CFAP299: variants seen among roughly 807,000 people sequenced by gnomAD.
CFAP299 encodes the protein cilia and flagella associated protein 299.
CFAP299 carries 21 observed loss-of-function variants against 27.0 expected under a neutral mutation model. That is an observed-to-expected ratio of 0.78 (90% CI 0.55 to 1.12). CFAP299 has a LOEUF of 1.12. Ranked by LOEUF, CFAP299 falls within the 50% of genes most tolerant of loss-of-function variation. The pLI, the probability that CFAP299 is intolerant of heterozygous loss-of-function variation, is 0.00. For missense variants in CFAP299, 310 were observed against 276.6 expected, an observed-to-expected ratio of 1.12 and a Z score of -0.86; for synonymous variants, 104 against 98.1, an observed-to-expected ratio of 1.06 and a Z score of -0.36.
intron 3 of CFAP299, among the ~76,000 whole-genome samples, chr4:80,624,202 T>C (rs1421691365): frequency 1.3e-5 from 2 of 152,006 alleles, no homozygotes; most frequent in East Asian, 1.9e-4. Flanking sequence ...ATAACTGTTT[T>C]AAGGAAGCTC....
chr4:80,534,967 T>G (rs553365348), intron 2 of CFAP299, among the ~76,000 whole-genome samples: 1 of 152,240 alleles, frequency 6.6e-6, no homozygotes, highest in South Asian at 2.1e-4. Flanking sequence ...GCTTCTAAAT[T>G]CTATAGAGTG....
intron 2 of CFAP299, among the ~76,000 whole-genome samples, chr4:80,532,421 C>T (rs1733524971): frequency 6.6e-6 from 1 of 152,088 alleles, no homozygotes; most frequent in Non-Finnish European, 1.5e-5. Context: ...TTTCTTTGCA[C>T]CATTCTAGCA....
At chr4:80,424,785 A>T (rs1489814818) in intron 2 of CFAP299, among the ~76,000 whole-genome samples, 10 of 152,246 alleles carry the variant, frequency 6.6e-5, no homozygotes, top group African/African-American at 2.4e-4. Flanking sequence ...ATACAAAAAA[A>T]TATATTTAAG....
chr4:80,845,970 T>C (rs58527925), intron 3 of CFAP299, among the ~76,000 whole-genome samples: 2,136 of 152,274 alleles, frequency 0.014, 48 homozygotes, highest in African/African-American at 0.048. Context: ...AAGAAATACA[T>C]TTTTATCTTC....
chr4:80,394,335 A>G (rs144015268), intron 2 of CFAP299, among the ~76,000 whole-genome samples: 17 of 150,174 alleles, frequency 1.1e-4, no homozygotes, highest in African/African-American at 4.1e-4. Context: ...TTTGAATATT[A>G]ACTCTTTTTC....
At chr4:80,748,932 G>A (rs1026705705) in intron 3 of CFAP299, among the ~76,000 whole-genome samples, 1 of 152,098 alleles carries the variant, frequency 6.6e-6, no homozygotes. Context: ...GTAATCGTCT[G>A]CCCACACATA....
chr4:80,589,933 A>T (rs1260090356), intron 3 of CFAP299, among the ~76,000 whole-genome samples: 1 of 152,168 alleles, frequency 6.6e-6, no homozygotes, highest in Non-Finnish European at 1.5e-5. Flanking sequence ...TAGTAGATAA[A>T]TGATTGAGGG....
intron 2 of CFAP299, among the ~76,000 whole-genome samples, chr4:80,393,005 C>A (rs562138116): frequency 6.6e-6 from 1 of 152,070 alleles, no homozygotes; most frequent in Admixed American, 6.6e-5. Context: ...GCTGTTATTA[C>A]CCCTGAAGAC....
intron 3 of CFAP299, among the ~76,000 whole-genome samples, chr4:80,661,404 C>T (rs757046289): frequency 2.2e-4 from 33 of 150,836 alleles, no homozygotes; most frequent in Non-Finnish European, 3.7e-4. Context: ...GTCAGAAGAA[C>T]ATAAATTGTG....
intron 4 of CFAP299, among the ~76,000 whole-genome samples, chr4:80,884,905 A>G (rs1381547865): frequency 2.0e-5 from 3 of 152,182 alleles, no homozygotes; most frequent in African/African-American, 4.8e-5. Context: ...AAACTCCGAT[A>G]AGCAATCGCA....
chr4:80,629,871 G>GA (rs1239255685), intron 3 of CFAP299, among the ~76,000 whole-genome samples: 491 of 66,690 alleles, frequency 7.4e-3, no homozygotes, highest in East Asian at 0.035. Flanking sequence ...TCTGTATCTG[G>GA]AAAAAAAAAA....
chr4:80,420,860 C>A (rs1423095913), intron 2 of CFAP299, among the ~76,000 whole-genome samples: 1 of 152,146 alleles, frequency 6.6e-6, no homozygotes, highest in Admixed American at 6.5e-5. Flanking sequence ...TTGCTTCAGC[C>A]CACTTCACAC....
chr4:80,577,397 ATTTTTTTTTTT>A (rs34922224), intron 2 of CFAP299, among the ~76,000 whole-genome samples: 2,363 of 98,928 alleles, frequency 0.024, 55 homozygotes, highest in Non-Finnish European at 0.026. Flanking sequence ...ATTAGAAAAC[ATTTTTTTTTTT>A]TTTTTTTTTT....
intron 3 of CFAP299, among the ~76,000 whole-genome samples, chr4:80,640,421 G>A (rs1739668779): frequency 6.6e-6 from 1 of 152,128 alleles, no homozygotes; most frequent in Admixed American, 6.5e-5. Context: ...CACCTGTTTT[G>A]TTTAGGTATA....
intron 2 of CFAP299, among the ~76,000 whole-genome samples, chr4:80,480,092 A>T (rs563970066): frequency 9.2e-4 from 139 of 151,780 alleles, no homozygotes; most frequent in Middle Eastern, 3.4e-3. Flanking sequence ...ATTTTTTTTT[A>T]AAAAAGTTGA....
At chr4:80,738,544 A>G (rs1724051961) in intron 3 of CFAP299, among the ~76,000 whole-genome samples, 1 of 151,958 alleles carries the variant, frequency 6.6e-6, no homozygotes, top group African/African-American at 2.4e-5. Flanking sequence ...GTATAAGGAT[A>G]GCTGCTCCTG....
intron 3 of CFAP299, among the ~76,000 whole-genome samples, chr4:80,806,725 G>A (rs1206915796): frequency 6.6e-6 from 1 of 152,218 alleles, no homozygotes; most frequent in Non-Finnish European, 1.5e-5. Flanking sequence ...GCAAGGAGGT[G>A]CTAGGCATTG....
chr4:80,397,261 T>C (rs1375030399), intron 2 of CFAP299, among the ~76,000 whole-genome samples: 1 of 152,186 alleles, frequency 6.6e-6, no homozygotes, highest in Admixed American at 6.5e-5. Context: ...TGTATTTGAT[T>C]CTTCTCTCTT....
At chr4:80,906,046 C>T (rs113881484) in intron 4 of CFAP299, among the ~76,000 whole-genome samples, 2,401 of 152,268 alleles carry the variant, frequency 0.016, 66 homozygotes, top group African/African-American at 0.054. Flanking sequence ...AGGCAAGGCC[C>T]TTCCACCTAT....
Sources: gnomAD v4.1 joint callset for allele counts (sites outside exome capture counted in the v4.1 genomes callset) on GRCh38, gnomAD v4.1.1 for gene constraint, MANE v1.5 for transcripts, NCBI Gene and HGNC (gene_info 2026-07-23, HGNC 2026-07-21) for gene names.